MIDEAS: variants seen among roughly 807,000 people sequenced by gnomAD.
MIDEAS encodes mitotic deacetylase-associated SANT domain protein.
A neutral mutation model predicts 102.7 loss-of-function variants in MIDEAS; 26 were observed. The observed-to-expected ratio is 0.25, with a 90% CI of 0.19 to 0.35. The LOEUF (loss-of-function observed/expected upper bound fraction) is 0.35, where lower values mean the gene tolerates loss of function less well. Among genes scored for constraint, MIDEAS ranks in the 10% least tolerant of loss-of-function variants. The probability of loss-of-function intolerance (pLI) is 1.00; values close to 1 mark genes in which losing one functional copy is unlikely to be tolerated. For missense variants in MIDEAS, 1,231 were observed against 1,435.6 expected (o/e 0.86, Z 2.30); for synonymous variants, 585 against 591.0 (o/e 0.99, Z 0.15).
intron 1 of MIDEAS, among the ~76,000 whole-genome samples, chr14:73,771,352 C>T (rs191713093): frequency 6.6e-6 from 1 of 152,340 alleles, no homozygotes; most frequent in Admixed American, 6.5e-5. Context: ...AGGCTCCAAC[C>T]TGCGAACTCA....
chr14:73,751,011 G>A (rs2053412397), intron 1 of MIDEAS, among the ~76,000 whole-genome samples: 1 of 152,238 alleles, frequency 6.6e-6, no homozygotes, highest in Non-Finnish European at 1.5e-5. Flanking sequence ...CAGAAAGGTA[G>A]ATATTATCAT....
At position 73,739,640 on chromosome 14, in the gene MIDEAS, C is replaced by G; in HGVS notation, c.369G>C (p.Gln123His). ...GGGVSDSSWQ[Q>H]QPGQPPPHST... Reference sequence around the variant, plus strand: ...AATGGGGTGGAGGCTGGCCTGGCTGCTGCTGCCAGCTGCTGTCACTGACAC... The same window carrying G: ...AATGGGGTGGAGGCTGGCCTGGCTGGTGCTGCCAGCTGCTGTCACTGACAC... The change falls in exon 2 of 13, where the codon CAG becomes CAC. Residue 123 changes from glutamine (Q) to histidine (H), a missense_variant. Coordinates refer to ENST00000423556, the MANE Select transcript of MIDEAS (RefSeq NM_001367710.1). The G allele has an allele frequency of 6.2e-7, 1 of 1,613,916 alleles. No individual in the cohort carries two copies. Among genetic ancestry groups the G allele is most frequent in the East Asian group, 2.2e-5 (1 of 44,880 alleles).
Position 73,730,058 on chromosome 14 carries a change from T to C in MIDEAS, c.1750-73A>G, listed in dbSNP as rs773016699. The C allele has an allele frequency of 4.1e-6, 6 of 1,465,860 alleles. No homozygotes were observed. The South Asian group carries it at 7.1e-5, about 17-fold the overall frequency. The allele number at this position is 1,465,860 out of a possible 1,614,324, so 90.8% of individuals were successfully genotyped here. On this transcript the variant is annotated intron_variant, in intron 3 of 12. Coordinates refer to ENST00000423556, the MANE Select transcript of MIDEAS (RefSeq NM_001367710.1). ...AGAAAGTAAAGTCTTAACCACAGCT[T>C]GCCAGTCTCACCTTTGGAACTTAGT...
In MIDEAS at chr14:73,739,238, C is replaced by G; in HGVS notation, c.771G>C (p.Gln257His). The G allele has an allele frequency of 6.2e-7, 1 of 1,612,482 alleles. No homozygotes were observed. Among genetic ancestry groups the G allele is most frequent in the South Asian group, 1.1e-5 (1 of 90,996 alleles). Residue 257 changes from glutamine to histidine, a missense_variant, in exon 2 of 13, where the codon CAG becomes CAC. Physicochemically the swap from Gln to His is conservative, Grantham distance 24. Coordinates refer to ENST00000423556, the MANE Select transcript of MIDEAS (RefSeq NM_001367710.1). Reference sequence around the variant, plus strand: ...GTAGGGCTGCCTGCTGCTGCTGCTGCTGCTGCTGTGGTTGCTGCTGCTGCT... The same window carrying G: ...GTAGGGCTGCCTGCTGCTGCTGCTGGTGCTGCTGTGGTTGCTGCTGCTGCT... ...KQQQQQQPQQ[Q>H]QQQQQAALPQ... is the part of the protein sequence containing the mutation.
At chr14:73,761,404 G>A (rs554771502), upstream of MIDEAS, among the ~76,000 whole-genome samples, 353 of 152,314 alleles carry the variant, frequency 2.3e-3, 2 homozygotes, top group African/African-American at 7.9e-3. Context: ...AGGGGGCATG[G>A]CTTTCCTGTC....
At chr14:73,753,358 G>A (rs1312911247) in intron 1 of MIDEAS, among the ~76,000 whole-genome samples, 1 of 152,194 alleles carries the variant, frequency 6.6e-6, no homozygotes, top group Non-Finnish European at 1.5e-5. Context: ...TGTTCCTTGT[G>A]CACATGAAAA....
chr14:73,736,885 TC>T, intron 3 of MIDEAS, 112 bp downstream of exon 3: 1 of 1,116,308 alleles, frequency 9.0e-7, no homozygotes, highest in East Asian at 2.4e-5. Flanking sequence ...AAATAGTATC[TC>T]CACAGGTTCC....
rs763755865 is a variant in MIDEAS at position 73,729,869 on chromosome 14, G to A, written c.1866C>T (p.Pro622=). The A allele has an allele frequency of 5.6e-5, 91 of 1,613,732 alleles. No homozygotes were observed. The highest frequency in any genetic ancestry group is 1.6e-4 in the Middle Eastern group (1 of 6,082). Residue 622 remains proline (P), a synonymous_variant, in exon 4 of 13, where the codon CCC becomes CCT. Transcript: ENST00000423556. ...GGTATGGGGTGATGTTGGAGTAGAC[G>A]GGAGGGGCGATGAAAGTGCCCGCCT... ...PTKAGTFIAP[P]VYSNITPYQS... is the part of the protein sequence containing the mutation.
At chr14:73,736,881 T>C in intron 3 of MIDEAS, 117 bp downstream of exon 3, 1 of 1,059,068 alleles carries the variant, frequency 9.4e-7, no homozygotes, top group Non-Finnish European at 1.4e-6. Flanking sequence ...ATAAAAATAG[T>C]ATCTCCACAG....
In MIDEAS at chr14:73,742,063, G is replaced by A. The variant is rs1390512352; in HGVS notation, c.-247-1808C>T. Among the ~76,000 whole-genome samples, 1 of 152,208 alleles carries A rather than the reference G, an allele frequency of 6.6e-6. No individual in the cohort carries two copies. Among genetic ancestry groups the A allele is most frequent in the Non-Finnish European group, 1.5e-5 (1 of 68,022 alleles). Reference sequence around the variant, plus strand: ...GAACCCAAAAGCTAAACCCTGCACTGAAAATCACCCTGGGCACCCCCATGA... The same window carrying A: ...GAACCCAAAAGCTAAACCCTGCACTAAAAATCACCCTGGGCACCCCCATGA... On this transcript the variant is annotated intron_variant, in intron 1 of 12. Coordinates refer to ENST00000423556, the MANE Select transcript of MIDEAS (RefSeq NM_001367710.1). This position sits in a 1 kb window ranked among gnomAD's most constrained non-coding sequence, Gnocchi z 4.4.
intron 10 of MIDEAS, 75 bp from the exon 11 acceptor site, chr14:73,721,584 G>T (rs915738566): frequency 2.8e-6 from 4 of 1,413,126 alleles, no homozygotes; most frequent in Admixed American, 3.4e-5. Context: ...TGACCCGGCC[G>T]GGGGGTTCAC....
intron 3 of MIDEAS, among the ~76,000 whole-genome samples, chr14:73,735,711 G>T (rs2053191468): frequency 6.6e-6 from 1 of 152,148 alleles, no homozygotes; most frequent in South Asian, 2.1e-4. Context: ...GACTTTAAAA[G>T]ACAAAAAGGG....
At position 73,725,003 on chromosome 14, in the gene MIDEAS, T is replaced by C; in HGVS notation, c.2574+269A>G. ...CTCCGCATCTTCCTCCTGCCTATTT[T>C]AAGTCTGATGCCCACTTAGGCCTCC... On this transcript the variant is annotated intron_variant, in intron 9 of 12. Transcript: ENST00000423556. The surrounding 1 kb of genome is among the most constrained non-coding windows in gnomAD (Gnocchi z 4.1). The C allele has an allele frequency of 2.9e-6, 1 of 341,610 alleles. No homozygotes were observed. Among genetic ancestry groups the C allele is most frequent in the Non-Finnish European group, 5.7e-6 (1 of 175,602 alleles). 21.2% of individuals were successfully genotyped at this position (341,610 alleles called of 1,614,324 possible). A position where few individuals can be genotyped will look rare whatever the true frequency, so the allele number is the denominator to read the frequency against.
rs767300123 is a variant in MIDEAS, at chr14:73,729,979, C to T, written c.1756G>A (p.Asp586Asn). ...TCCCCCTCCAACTTGACATTCATGT[C>T]CTCTGCCTGGAGAAGGAAAGAAAAC... ...PGTDAQAQAEDMNVKLEGEPS... is the reference protein window; with the variant it reads ...PGTDAQAQAENMNVKLEGEPS... Residue 586 changes from aspartate (D) to asparagine (N), a missense_variant, in exon 4 of 13, where the codon GAC (aspartate) becomes AAC (asparagine). This residue lies in a region of MIDEAS where 758 missense variants were observed against 856.0 expected (regional missense o/e 0.89). Transcript: ENST00000423556. 7 of 1,602,916 alleles carry T rather than the reference C, an allele frequency of 4.4e-6. No homozygotes were observed. The highest frequency in any genetic ancestry group is 3.3e-5 in the South Asian group (3 of 90,132).
At chr14:73,765,465 A>G (rs750603353) in intron 1 of MIDEAS, among the ~76,000 whole-genome samples, 2 of 152,172 alleles carry the variant, frequency 1.3e-5, no homozygotes, top group Non-Finnish European at 2.9e-5. Flanking sequence ...AGTGTTGGCT[A>G]TCATTTTTTC....
At position 73,725,934 on chromosome 14, in the gene MIDEAS, GC is replaced by G; in HGVS notation, c.2485+98del. 1 of 1,042,842 alleles carries G rather than the reference GC, an allele frequency of 9.6e-7. No homozygotes were observed. Among genetic ancestry groups the G allele is most frequent in the Non-Finnish European group, 1.4e-6 (1 of 691,316 alleles). 64.6% of individuals were successfully genotyped at this position (1,042,842 alleles called of 1,614,324 possible). A position where few individuals can be genotyped will look rare whatever the true frequency, so the allele number is the denominator to read the frequency against. ...TTGGCTTATCTACCCTCCTCCTCCC[GC>G]CCCCACCCAGGGCTGTGACTCAGCA... On this transcript the variant is annotated intron_variant, in intron 8 of 12. Coordinates refer to ENST00000423556, the MANE Select transcript of MIDEAS (RefSeq NM_001367710.1). This position sits in a 1 kb window ranked among gnomAD's most constrained non-coding sequence, Gnocchi z 4.1.
chr14:73,721,644 A>G lies in MIDEAS; in HGVS notation c.2725-135T>C, dbSNP rs1372014593. On this transcript the variant is annotated intron_variant, in intron 10 of 12. Coordinates refer to ENST00000423556, the MANE Select transcript of MIDEAS (RefSeq NM_001367710.1). ...TGGCTGGCCCAGCATAGTCTTCTGTACTAGGACTCTGGACTCTGTCCCCAT... is the reference window on the plus strand; with the variant it reads ...TGGCTGGCCCAGCATAGTCTTCTGTGCTAGGACTCTGGACTCTGTCCCCAT... The G allele has an allele frequency of 2.2e-5, 16 of 724,180 alleles. No individual in the cohort carries two copies. In the African/African-American group the frequency reaches 2.8e-4, roughly 13 times the overall value. The allele number at this position is 724,180 out of a possible 1,614,324, so 44.9% of individuals were successfully genotyped here.
intron 11 of MIDEAS, 82 bp downstream of exon 11, chr14:73,721,215 C>A: frequency 7.6e-7 from 1 of 1,312,488 alleles, no homozygotes; most frequent in Non-Finnish European, 1.1e-6. Context: ...GGATCACAGT[C>A]CTGCTCTACC....
chr14:73,774,974 A>AG (rs2053676469), intron 1 of MIDEAS, among the ~76,000 whole-genome samples: 1 of 152,056 alleles, frequency 6.6e-6, no homozygotes, highest in African/African-American at 2.4e-5. Context: ...AGCATCCTGC[A>AG]GGGGGGAAGT....
Sources: allele counts gnomAD v4.1 joint callset (sites outside exome capture counted in the v4.1 genomes callset), GRCh38; gene constraint gnomAD v4.1.1; regional missense constraint gnomAD v4.1.1; non-coding constraint Gnocchi (gnomAD v3.1); transcripts MANE v1.5; gene names NCBI Gene and HGNC (gene_info 2026-07-23, HGNC 2026-07-21).